Variants in MFHAS1 observed in about 807,000 individuals in gnomAD.
The protein encoded by MFHAS1 is multifunctional ROCO family signaling regulator 1.
A neutral mutation model predicts 70.4 loss-of-function variants in MFHAS1; 50 were observed. The ratio of observed to expected loss-of-function variants is 0.71; its 90% CI spans 0.57 to 0.90. The LOEUF (loss-of-function observed/expected upper bound fraction) is 0.90, where lower values mean the gene tolerates loss of function less well. Among genes scored for constraint, MFHAS1 ranks in the 40% least tolerant of loss-of-function variants. MFHAS1 has a pLI of 0.00. For synonymous variants in MFHAS1, 952 were observed against 620.0 expected (o/e 1.54, Z -7.96); for missense variants, 1,795 against 1,347.6 (o/e 1.33, Z -5.20).
At chr8:8,833,498 A>AC (rs1027127760) in intron 1 of MFHAS1, among the ~76,000 whole-genome samples, 21 of 152,240 alleles carry the variant, frequency 1.4e-4, no homozygotes, top group African/African-American at 5.1e-4. Context: ...GCGTGGTGGT[A>AC]CATGCCTGAA....
intron 2 of MFHAS1, among the ~76,000 whole-genome samples, chr8:8,787,372 G>T (rs528252612): frequency 7.9e-5 from 12 of 152,038 alleles, no homozygotes; most frequent in Non-Finnish European, 1.6e-4. Flanking sequence ...GAGCCACTGC[G>T]CCCGGCCTCA....
intron 1 of MFHAS1, among the ~76,000 whole-genome samples, chr8:8,887,272 T>C (rs1015663010): frequency 6.6e-6 from 1 of 152,222 alleles, no homozygotes; most frequent in Non-Finnish European, 1.5e-5. Context: ...ACACTCAACA[T>C]AATTCTGTTC....
chr8:8,891,821 A>T lies in MFHAS1; in HGVS notation c.1238T>A (p.Leu413His), dbSNP rs1810058533. ...QPAVQPRLKL[L>H]LMGHKAAGKT... ...TCCTGCAGCCTTATGCCCCATCAGG[A>T]GCAGCTTGAGCCGGGGCTGCACCGC... Residue 413 changes from leucine to histidine, a missense_variant, in exon 1 of 3, where the codon CTC (leucine) becomes CAC (histidine). Leu to His is a moderately conservative substitution (Grantham distance 99, BLOSUM62 -3). Transcript: ENST00000276282. This position sits in a 1 kb window ranked among gnomAD's most constrained non-coding sequence, Gnocchi z 5.4. 6.2e-7 allele frequency: 1 copy of T among 1,613,174 alleles called. No individual in the cohort carries two copies. The highest frequency in any genetic ancestry group is 8.5e-7 in the Non-Finnish European group (1 of 1,179,952).
intron 1 of MFHAS1, among the ~76,000 whole-genome samples, chr8:8,859,557 T>C (rs1370406454): frequency 6.6e-6 from 1 of 152,186 alleles, no homozygotes; most frequent in Non-Finnish European, 1.5e-5. Flanking sequence ...ACCCCTCCTC[T>C]TCTTCCTCCT....
chr8:8,854,543 G>A (rs1424082659), intron 1 of MFHAS1, among the ~76,000 whole-genome samples: 2 of 151,566 alleles, frequency 1.3e-5, no homozygotes, highest in Non-Finnish European at 2.9e-5. Context: ...AAATTAGCCA[G>A]GTGAGGTGGT....
intron 1 of MFHAS1, among the ~76,000 whole-genome samples, chr8:8,829,526 C>T (rs1171244230): frequency 1.3e-5 from 2 of 152,142 alleles, no homozygotes; most frequent in African/African-American, 4.8e-5. Context: ...ACTAAAAATA[C>T]AAAAATTAGC....
At chr8:8,834,932 AGTTCTCTGGATCTAATGGAACTGGTAGG>A (rs962259927) in intron 1 of MFHAS1, among the ~76,000 whole-genome samples, 3 of 152,234 alleles carry the variant, frequency 2.0e-5, no homozygotes, top group African/African-American at 7.2e-5. Flanking sequence ...ACTTTTAATG[AGTTCTCTGGATCTAATGGAACTGGTAGG>A]TATCCCTTTT....
intron 1 of MFHAS1, among the ~76,000 whole-genome samples, chr8:8,882,880 C>A (rs1446474943): frequency 1.3e-5 from 2 of 151,990 alleles, no homozygotes; most frequent in Admixed American, 6.6e-5. Context: ...AGGCTGGGTG[C>A]GGTGGCTCAT....
rs769173310 is a variant in MFHAS1, at chr8:8,892,294, G to C, written c.765C>G (p.Leu255=). 8 of 1,612,582 alleles carry C rather than the reference G, an allele frequency of 5.0e-6. No homozygotes were observed. In the African/African-American group the frequency reaches 9.3e-5, roughly 19 times the overall value. ...GFCELASLES[L]MLDNNGLQAL... ...CCTGCAGCCCGTTGTTGTCTAGCAT[G>C]AGGCTCTCCAAACTGGCCAGCTCGC... The change falls in exon 1 of 3, where the codon CTC becomes CTG. Residue 255 remains leucine (L), a synonymous_variant. Coordinates refer to ENST00000276282, the MANE Select transcript of MFHAS1 (RefSeq NM_004225.3). The surrounding 1 kb of genome is among the most constrained non-coding windows in gnomAD (Gnocchi z 4.7).
At chr8:8,803,007 TG>T (rs1368751273) in intron 1 of MFHAS1, among the ~76,000 whole-genome samples, 2 of 152,292 alleles carry the variant, frequency 1.3e-5, no homozygotes, top group East Asian at 3.9e-4. Flanking sequence ...ACAAGTCAGC[TG>T]GGGTACCCAC....
rs556285191 is a variant in MFHAS1 at position 8,819,142 on chromosome 8, T to A, written c.2999-21651A>T. Among the ~76,000 whole-genome samples, 3 of 152,270 alleles carry A rather than the reference T, an allele frequency of 2.0e-5. No individual in the cohort carries two copies. In the South Asian group the frequency reaches 6.2e-4, roughly 32 times the overall value. ...AATCAAACAGCTCTCTATATATCAA[T>A]ATTTTGCAGTGTATATATTAAACTT... On this transcript the variant is annotated intron_variant, in intron 1 of 2. Coordinates refer to ENST00000276282, the MANE Select transcript of MFHAS1 (RefSeq NM_004225.3).
At chr8:8,859,252 G>C (rs755142387) in intron 1 of MFHAS1, among the ~76,000 whole-genome samples, 16 of 152,190 alleles carry the variant, frequency 1.1e-4, no homozygotes, top group Non-Finnish European at 2.2e-4. Flanking sequence ...GCTGAGGCAG[G>C]AGAATCACTT....
intron 1 of MFHAS1, among the ~76,000 whole-genome samples, chr8:8,835,856 C>T (rs987026976): frequency 3.9e-5 from 6 of 152,152 alleles, no homozygotes. Flanking sequence ...GCTGCCTGTT[C>T]TTGTAAATAA....
At chr8:8,797,270 G>C in intron 2 of MFHAS1, 95 bp downstream of exon 2, 4 of 1,448,292 alleles carry the variant, frequency 2.8e-6, no homozygotes, top group East Asian at 2.3e-5. Flanking sequence ...TGCAAGGTTT[G>C]TGCAGATGCA....
chr8:8,851,898 G>C (rs1414761529), intron 1 of MFHAS1, among the ~76,000 whole-genome samples: 1 of 152,152 alleles, frequency 6.6e-6, no homozygotes, highest in Non-Finnish European at 1.5e-5. Flanking sequence ...CATTCTCTTG[G>C]TGACAGAGAA....
At chr8:8,845,342 A>C (rs529972005) in intron 1 of MFHAS1, among the ~76,000 whole-genome samples, 2 of 152,350 alleles carry the variant, frequency 1.3e-5, no homozygotes, top group South Asian at 4.1e-4. Context: ...CAATTGATGT[A>C]TCTGTGAAGC....
At chr8:8,877,156 TG>T (rs1320026970) in intron 1 of MFHAS1, among the ~76,000 whole-genome samples, 2 of 151,416 alleles carry the variant, frequency 1.3e-5, no homozygotes, top group African/African-American at 4.8e-5. Flanking sequence ...AAAAACTAAC[TG>T]GGCATGGTGG....
chr8:8,858,273 T>C (rs1808521049), intron 1 of MFHAS1, among the ~76,000 whole-genome samples: 1 of 152,220 alleles, frequency 6.6e-6, no homozygotes, highest in Non-Finnish European at 1.5e-5. Flanking sequence ...ATTCAGTCCT[T>C]ACAAGAGCTG....
chr8:8,854,878 T>G (rs1808378021), intron 1 of MFHAS1, among the ~76,000 whole-genome samples: 1 of 152,110 alleles, frequency 6.6e-6, no homozygotes, highest in Non-Finnish European at 1.5e-5. Flanking sequence ...GCTATCCTGT[T>G]TTTTTGGTTT....
Sources: gnomAD v4.1 joint callset for allele counts (sites outside exome capture counted in the v4.1 genomes callset) on GRCh38, gnomAD v4.1.1 for gene constraint, Gnocchi (gnomAD v3.1) non-coding constraint, MANE v1.5 for transcripts, NCBI Gene and HGNC (gene_info 2026-07-23, HGNC 2026-07-21) for gene names.